The following NALF1 variants were observed in gnomAD, a reference collection of about 807,000 sequenced individuals.
NALF1 encodes the protein NALCN channel auxiliary factor 1.
NALF1 carries 3 observed loss-of-function variants against 48.4 expected under a neutral mutation model. The ratio of observed to expected loss-of-function variants is 0.06; its 90% confidence interval spans 0.03 to 0.16. The LOEUF (loss-of-function observed/expected upper bound fraction) is 0.16. Ranked by LOEUF, NALF1 falls within the 10% of genes least tolerant of loss-of-function variation. The probability of loss-of-function intolerance (pLI) is 1.00; values close to 1 mark genes in which losing one functional copy is unlikely to be tolerated. For missense variants in NALF1, 526 were observed against 571.5 expected (o/e 0.92, Z 0.81); for synonymous variants, 262 against 245.7 (o/e 1.07, Z -0.62).
chr13:107,271,268 G>A (rs1358453341), intron 1 of NALF1, among the ~76,000 whole-genome samples: 1 of 151,914 alleles, frequency 6.6e-6, no homozygotes, highest in Non-Finnish European at 1.5e-5. Flanking sequence ...TAACTTAATC[G>A]CACTCCAGTT....
chr13:107,774,680 T>C (rs1325294709), intron 1 of NALF1, among the ~76,000 whole-genome samples: 2 of 152,220 alleles, frequency 1.3e-5, no homozygotes, highest in Non-Finnish European at 2.9e-5. Flanking sequence ...ATACCTATTA[T>C]ATGCAAAGCT....
intron 1 of NALF1, among the ~76,000 whole-genome samples, chr13:107,641,678 T>G (rs1880160802): frequency 6.6e-6 from 1 of 152,180 alleles, no homozygotes; most frequent in South Asian, 2.1e-4. Flanking sequence ...TTGTAAGGCC[T>G]TGAATTGAAT....
At chr13:107,548,893 G>A (rs1288535040) in intron 1 of NALF1, among the ~76,000 whole-genome samples, 1 of 151,754 alleles carries the variant, frequency 6.6e-6, no homozygotes, top group Non-Finnish European at 1.5e-5. Flanking sequence ...TCATATTTTG[G>A]GAATCCAAAT....
At chr13:107,639,545 T>C (rs904832688) in intron 1 of NALF1, among the ~76,000 whole-genome samples, 1 of 151,092 alleles carries the variant, frequency 6.6e-6, no homozygotes, top group African/African-American at 2.4e-5. Context: ...CTGTCTGTAC[T>C]AGCTGTTCCA....
At position 107,744,232 on chromosome 13, in the gene NALF1, G is replaced by C. The variant is rs767964102; in HGVS notation, c.915+121450C>G. Among the ~76,000 whole-genome samples the C allele has an allele frequency of 3.3e-5, 5 of 152,308 alleles. No homozygotes were observed. The East Asian group carries it at 9.7e-4, about 29-fold the overall frequency. The stretch of plus-strand genomic sequence containing the variant: ...GCTGTTTAAGCCCTCTGAGACGCAA[G>C]AATTTTCATTTGCAAGAAAGGGAAG... On this transcript the variant is annotated intron_variant, in intron 1 of 2. Coordinates refer to ENST00000375915, the MANE Select transcript of NALF1 (RefSeq NM_001080396.3).
At chr13:107,214,703 G>A (rs1468636125) in intron 1 of NALF1, among the ~76,000 whole-genome samples, 6 of 152,112 alleles carry the variant, frequency 3.9e-5, no homozygotes, top group African/African-American at 1.2e-4. Context: ...ATCTTTGCTG[G>A]ACAGCTGCCC....
At chr13:107,464,767 G>A (rs763019410) in intron 1 of NALF1, among the ~76,000 whole-genome samples, 30 of 151,990 alleles carry the variant, frequency 2.0e-4, no homozygotes, top group Non-Finnish European at 3.2e-4. Context: ...TGATCTGCCC[G>A]CCTCGGCCTC....
intron 1 of NALF1, among the ~76,000 whole-genome samples, chr13:107,543,604 A>G (rs1877052791): frequency 6.6e-6 from 1 of 151,984 alleles, no homozygotes; most frequent in Non-Finnish European, 1.5e-5. Flanking sequence ...CCTTTCATAA[A>G]CTCATCACAC....
At chr13:107,846,594 A>T (rs548830630) in intron 1 of NALF1, among the ~76,000 whole-genome samples, 76 of 152,318 alleles carry the variant, frequency 5.0e-4, no homozygotes, top group Non-Finnish European at 3.5e-4. Context: ...TCTATGCTTT[A>T]ATGAGGATCA....
intron 1 of NALF1, among the ~76,000 whole-genome samples, chr13:107,619,597 G>A (rs1442082590): frequency 6.6e-6 from 1 of 152,124 alleles, no homozygotes; most frequent in Non-Finnish European, 1.5e-5. Context: ...GCAATCTGTT[G>A]CAAACCTCAA....
chr13:107,288,526 C>CTTTT (rs368901866), intron 1 of NALF1, among the ~76,000 whole-genome samples: 2 of 119,130 alleles, frequency 1.7e-5, no homozygotes, highest in African/African-American at 3.3e-5. Flanking sequence ...AGCCTGAAAA[C>CTTTT]TTTTTTTTTT....
Position 107,828,599 on chromosome 13 carries a change from ATATC to A in NALF1, c.915+37079_915+37082del, listed in dbSNP as rs201633655. 1.9e-4 allele frequency among the ~76,000 whole-genome samples: 13 copies of A among 67,172 alleles called. No individual in the cohort carries two copies. The East Asian group carries it at 3.3e-3, about 17-fold the overall frequency. 44.1% of individuals were successfully genotyped at this position (67,172 alleles called of 152,430 possible). A position where few individuals can be genotyped will look rare whatever the true frequency, so the allele number is the denominator to read the frequency against. Reference sequence around the variant, plus strand: ...TCTATCTATCTATCTATCTATATCTATATCTATACACACACACACACACACACAC... The same window carrying A: ...TCTATCTATCTATCTATCTATATCTATATACACACACACACACACACACAC... On this transcript the variant is annotated intron_variant, in intron 1 of 2. Coordinates refer to ENST00000375915, the MANE Select transcript of NALF1 (RefSeq NM_001080396.3).
At position 107,865,888 on chromosome 13, in the gene NALF1, C is replaced by G; in HGVS notation, c.709G>C (p.Gly237Arg). The G allele has an allele frequency of 2.5e-6, 4 of 1,614,080 alleles. No homozygotes were observed. The highest frequency in any genetic ancestry group is 3.4e-6 in the Non-Finnish European group (4 of 1,180,020). The change falls in exon 1 of 3, where the codon GGG becomes CGG. Residue 237 changes from glycine to arginine, a missense_variant. By Grantham distance (125) the Gly-to-Arg change is moderately radical. Coordinates refer to ENST00000375915, the MANE Select transcript of NALF1 (RefSeq NM_001080396.3). ...NSYTLWELFS[G>R]LSSPNTLNCS... Reference sequence around the variant, plus strand: ...TTCAAAGTGTTGGGACTGGACAACCCCGAGAACAACTCCCAAAGTGTGTAG... The same window carrying G: ...TTCAAAGTGTTGGGACTGGACAACCGCGAGAACAACTCCCAAAGTGTGTAG...
chr13:107,783,290 C>G (rs1483426353), intron 1 of NALF1, among the ~76,000 whole-genome samples: 12 of 87,862 alleles, frequency 1.4e-4, no homozygotes, highest in Middle Eastern at 6.9e-3. Flanking sequence ...AGGTGAGGGG[C>G]GCCTCTGCCC....
intron 1 of NALF1, among the ~76,000 whole-genome samples, chr13:107,493,584 A>C (rs1875220941): frequency 6.6e-6 from 1 of 152,182 alleles, no homozygotes; most frequent in Non-Finnish European, 1.5e-5. Flanking sequence ...GCCAGTAAAA[A>C]TAAAACAAAA....
chr13:107,314,674 T>C (rs553389788), intron 1 of NALF1, among the ~76,000 whole-genome samples: 2 of 152,158 alleles, frequency 1.3e-5, no homozygotes, highest in African/African-American at 4.8e-5. Context: ...GTAGACACTT[T>C]GTTGGCCACT....
intron 2 of NALF1, among the ~76,000 whole-genome samples, chr13:107,181,609 T>C (rs1850254863): frequency 7.8e-6 from 1 of 128,828 alleles, no homozygotes; most frequent in South Asian, 2.5e-4. Flanking sequence ...TCTTACTATA[T>C]AGACTTTTTT....
intron 1 of NALF1, among the ~76,000 whole-genome samples, chr13:107,285,724 A>G (rs1881480262): frequency 6.6e-6 from 1 of 152,028 alleles, no homozygotes; most frequent in Non-Finnish European, 1.5e-5. Context: ...TATATATAGT[A>G]AGTATTAGGA....
chr13:107,706,853 C>T (rs566074215), intron 1 of NALF1, among the ~76,000 whole-genome samples: 1 of 151,396 alleles, frequency 6.6e-6, no homozygotes, highest in South Asian at 2.1e-4. Flanking sequence ...TTGAATACAA[C>T]TGCTTAATTG....
Sources: allele counts gnomAD v4.1 joint callset (sites outside exome capture counted in the v4.1 genomes callset), GRCh38; gene constraint gnomAD v4.1.1; transcripts MANE v1.5; gene names NCBI Gene and HGNC (gene_info 2026-07-23, HGNC 2026-07-21).